The following DENND1B variants were observed in gnomAD, a reference collection of about 807,000 sequenced individuals.
DENND1B encodes the protein DENN domain-containing protein 1B.
Under a neutral mutation model 90.1 loss-of-function variants are expected in DENND1B, and 59 were observed. The observed-to-expected ratio is 0.65, with a 90% CI of 0.53 to 0.81. The LOEUF (loss-of-function observed/expected upper bound fraction) is 0.81. Ranked by LOEUF, DENND1B falls within the 40% of genes least tolerant of loss-of-function variation. DENND1B has a pLI of 0.00. For missense variants in DENND1B, 862 were observed against 912.6 expected (o/e 0.94, Z 0.71); for synonymous variants, 337 against 324.6 (o/e 1.04, Z -0.41).
intron 5 of DENND1B, among the ~76,000 whole-genome samples, chr1:197,660,048 T>C (rs1654251450): frequency 6.6e-6 from 1 of 151,620 alleles, no homozygotes; most frequent in Non-Finnish European, 1.5e-5. Context: ...AGCAGGAAGC[T>C]ATTAAAAAAA....
intron 6 of DENND1B, among the ~76,000 whole-genome samples, chr1:197,654,767 G>A (rs552992467): frequency 6.6e-6 from 1 of 151,568 alleles, no homozygotes; most frequent in Non-Finnish European, 1.5e-5. Context: ...CTTTACTTGC[G>A]ACCACCACCA....
intron 2 of DENND1B, among the ~76,000 whole-genome samples, chr1:197,745,634 A>G (rs892343632): frequency 3.6e-4 from 53 of 146,630 alleles, no homozygotes; most frequent in African/African-American, 1.3e-3. Context: ...ATATATATAT[A>G]TATATAATAT....
At position 197,775,119 on chromosome 1, in the gene DENND1B, G is replaced by C. The variant is rs963191886; in HGVS notation, c.17+20C>G. Reference sequence around the variant, plus strand: ...GCCGAGGGACGCCCGCCCCCGACGCGCCCGGGCCCCCCCACTCACTTGGTC... The same window carrying C: ...GCCGAGGGACGCCCGCCCCCGACGCCCCCGGGCCCCCCCACTCACTTGGTC... On this transcript the variant is annotated intron_variant, in intron 1 of 22. Coordinates refer to ENST00000620048, the MANE Select transcript of DENND1B (RefSeq NM_001195215.2). 1.6e-6 allele frequency: 2 copies of C among 1,272,834 alleles called. No individual in the cohort carries two copies. Among genetic ancestry groups the C allele is most frequent in the Non-Finnish European group, 2.0e-6 (2 of 996,710 alleles). The allele number at this position is 1,272,834 out of a possible 1,614,324, so 78.8% of individuals were successfully genotyped here.
chr1:197,770,820 GTAAATATATATCTATAAATATATA>G (rs56917586), intron 2 of DENND1B, among the ~76,000 whole-genome samples: 24,044 of 125,936 alleles, frequency 0.19, 2,414 homozygotes, highest in Middle Eastern at 0.34. Context: ...AAATATATAT[GTAAATATATATCTATAAATATATA>G]TAAATATATA....
At chr1:197,544,951 A>AG (rs1393335477) in intron 18 of DENND1B, among the ~76,000 whole-genome samples, 1 of 370 alleles carries the variant, frequency 2.7e-3, no homozygotes, top group Non-Finnish European at 5.6e-3. Context: ...GGGAGAAGAG[A>AG]GAAGGGAGAA....
At chr1:197,559,394 G>A (rs1049916831) in intron 15 of DENND1B, among the ~76,000 whole-genome samples, 3 of 151,884 alleles carry the variant, frequency 2.0e-5, no homozygotes, top group Non-Finnish European at 4.4e-5. Context: ...TGTTTTTTGT[G>A]TTAACATGGC....
At chr1:197,671,164 C>A (rs1282949280) in intron 5 of DENND1B, among the ~76,000 whole-genome samples, 3 of 152,110 alleles carry the variant, frequency 2.0e-5, no homozygotes, top group Non-Finnish European at 2.9e-5. Flanking sequence ...ATTGTTATTT[C>A]TTTTCCTATA....
intron 14 of DENND1B, among the ~76,000 whole-genome samples, chr1:197,589,831 T>C (rs1302076601): frequency 6.6e-6 from 1 of 152,192 alleles, no homozygotes; most frequent in Admixed American, 6.5e-5. Flanking sequence ...GCTTGAGTGA[T>C]GGAAACACAT....
chr1:197,627,761 A>G (rs1678908667), intron 10 of DENND1B, among the ~76,000 whole-genome samples: 1 of 152,192 alleles, frequency 6.6e-6, no homozygotes, highest in African/African-American at 2.4e-5. Context: ...AGATGACATT[A>G]TTGTATATAT....
intron 2 of DENND1B, among the ~76,000 whole-genome samples, chr1:197,736,348 C>G (rs190130706): frequency 6.6e-6 from 1 of 151,946 alleles, no homozygotes; most frequent in African/African-American, 2.4e-5. Context: ...CTGTCTGTCT[C>G]TCTATCTATC....
chr1:197,723,362 T>C (rs1661354296), intron 2 of DENND1B, among the ~76,000 whole-genome samples: 1 of 152,100 alleles, frequency 6.6e-6, no homozygotes. Flanking sequence ...CGCACTCCTC[T>C]GAAGCTGTGG....
intron 3 of DENND1B, among the ~76,000 whole-genome samples, chr1:197,713,920 T>C (rs1185585299): frequency 5.3e-5 from 1 of 18,946 alleles, no homozygotes; most frequent in Admixed American, 3.9e-4. Context: ...ATTATATGCA[T>C]ATAATATATA....
rs1221659019 is a variant in DENND1B at position 197,714,048 on chromosome 1, C to T, written c.126+983G>A. Among the ~76,000 whole-genome samples, 8 of 112,822 alleles carry T rather than the reference C, an allele frequency of 7.1e-5. 1 individual carries two copies. Among genetic ancestry groups the T allele is most frequent in the African/African-American group, 2.5e-4 (8 of 31,534 alleles). 74.0% of individuals were successfully genotyped at this position (112,822 alleles called of 152,430 possible). A position where few individuals can be genotyped will look rare whatever the true frequency, so the allele number is the denominator to read the frequency against. Reference sequence around the variant, plus strand: ...ATTGGTTGCCCAGGCACGATCTCGGCTCACTGCAACCTCCACTTCCCAGGT... The same window carrying T: ...ATTGGTTGCCCAGGCACGATCTCGGTTCACTGCAACCTCCACTTCCCAGGT... On this transcript the variant is annotated intron_variant, in intron 3 of 22. Transcript: ENST00000620048.
intron 2 of DENND1B, chr1:197,757,381 C>T (rs2102440965): frequency 6.6e-6 from 1 of 152,276 alleles, no homozygotes; most frequent in African/African-American, 2.4e-5. Context: ...GAGAACATCC[C>T]AGCCTGTGCC....
chr1:197,608,842 A>C (rs937460371), intron 12 of DENND1B, among the ~76,000 whole-genome samples: 2 of 150,638 alleles, frequency 1.3e-5, no homozygotes, highest in Non-Finnish European at 1.5e-5. Flanking sequence ...ATTGCTGAAT[A>C]TTAAATTTTA....
chr1:197,619,761 C>T (rs1462184774), intron 10 of DENND1B, among the ~76,000 whole-genome samples: 1 of 151,152 alleles, frequency 6.6e-6, no homozygotes, highest in African/African-American at 2.4e-5. Context: ...TATTCGCTAA[C>T]AAAATTCAAC....
intron 11 of DENND1B, among the ~76,000 whole-genome samples, chr1:197,612,887 CAAG>C (rs1252427742): frequency 1.3e-5 from 2 of 150,508 alleles, no homozygotes; most frequent in African/African-American, 2.4e-5. Flanking sequence ...TCACGAAATA[CAAG>C]AAGAAAATTA....
At chr1:197,735,552 T>C in intron 2 of DENND1B, 1 of 1,613,852 alleles carries the variant, frequency 6.2e-7, no homozygotes, top group East Asian at 2.2e-5. Flanking sequence ...TTACAAAGTG[T>C]TCTTAGACTT....
intron 18 of DENND1B, chr1:197,545,489 T>A (rs1571822362): frequency 5.9e-6 from 1 of 168,550 alleles, no homozygotes; most frequent in Non-Finnish European, 1.3e-5. Flanking sequence ...TGGACAAACT[T>A]GCCTTGGAGA....
Sources: gnomAD v4.1 joint callset for allele counts (sites outside exome capture counted in the v4.1 genomes callset) on GRCh38, gnomAD v4.1.1 for gene constraint, MANE v1.5 for transcripts, NCBI Gene and HGNC (gene_info 2026-07-23, HGNC 2026-07-21) for gene names.